Variants in IL1RAPL2 observed in about 807,000 individuals in gnomAD.
The protein encoded by IL1RAPL2 is interleukin 1 receptor accessory protein like 2.
In IL1RAPL2, 3 loss-of-function variants were observed where a neutral mutation model predicts 44.1. The ratio of observed to expected loss-of-function variants is 0.07; its 90% CI spans 0.03 to 0.18. IL1RAPL2 has a LOEUF of 0.18. Ranked by LOEUF, IL1RAPL2 falls within the 10% of genes least tolerant of loss-of-function variation. The pLI, the probability that IL1RAPL2 is intolerant of heterozygous loss-of-function variation, is 1.00. For missense variants in IL1RAPL2, 391 were observed against 496.4 expected (o/e 0.79, Z 2.02); for synonymous variants, 181 against 178.8 (o/e 1.01, Z -0.10).
intron 2 of IL1RAPL2, among the ~76,000 whole-genome samples, chrX:105,001,835 A>G (rs2030855602): frequency 9.0e-6 from 1 of 111,360 alleles, no homozygotes; most frequent in Non-Finnish European, 1.9e-5. Context: ...CCTATTACAC[A>G]GTAGGTAAAC....
chrX:104,961,815 G>A (rs2030012283), intron 2 of IL1RAPL2, among the ~76,000 whole-genome samples: 1 of 111,550 alleles, frequency 9.0e-6, no homozygotes, highest in African/African-American at 3.3e-5. Flanking sequence ...CCCAGAATAG[G>A]CACTCAAAAA....
intron 2 of IL1RAPL2, among the ~76,000 whole-genome samples, chrX:104,800,652 G>T (rs1932879228): frequency 8.9e-6 from 1 of 112,524 alleles, no homozygotes; most frequent in South Asian, 3.7e-4. Context: ...TTCATCAACA[G>T]ATATTAAAAG....
intron 5 of IL1RAPL2, among the ~76,000 whole-genome samples, chrX:105,385,287 C>A: frequency 9.0e-6 from 1 of 110,509 alleles, no homozygotes; most frequent in Non-Finnish European, 1.9e-5. Context: ...ATACTCTTTA[C>A]GCATTCAATT....
At chrX:105,201,276 A>G (rs1411053055) in intron 3 of IL1RAPL2, among the ~76,000 whole-genome samples, 4 of 112,109 alleles carry the variant, frequency 3.6e-5, no homozygotes, top group Non-Finnish European at 7.5e-5. Flanking sequence ...GCAAAACAGC[A>G]TCAGAAGAAA....
intron 4 of IL1RAPL2, among the ~76,000 whole-genome samples, chrX:105,250,987 G>C (rs2147646998): frequency 9.0e-6 from 1 of 110,821 alleles, no homozygotes; most frequent in South Asian, 3.8e-4. Context: ...GAGAATGATG[G>C]TTTATTTAAA....
At chrX:105,723,035 C>T (rs1176836882) in intron 7 of IL1RAPL2, among the ~76,000 whole-genome samples, 1 of 111,665 alleles carries the variant, frequency 9.0e-6, no homozygotes, top group Non-Finnish European at 1.9e-5. Context: ...TTAAATTCTG[C>T]TTCCCTTTTG....
chrX:105,432,152 T>TTCC (rs1556318012), intron 5 of IL1RAPL2, among the ~76,000 whole-genome samples: 1 of 97,473 alleles, frequency 1.0e-5, no homozygotes, highest in Non-Finnish European at 2.1e-5. Context: ...TTTTTTTTTT[T>TTCC]CACTTTTCTC....
intron 2 of IL1RAPL2, among the ~76,000 whole-genome samples, chrX:105,076,218 G>A (rs2032298826): frequency 9.0e-6 from 1 of 110,932 alleles, no homozygotes; most frequent in African/African-American, 3.3e-5. Context: ...CTTTGAATGT[G>A]TCCCAGAGAT....
chrX:105,279,359 C>G (rs778258728), intron 5 of IL1RAPL2, among the ~76,000 whole-genome samples: 52 of 111,912 alleles, frequency 4.6e-4, no homozygotes, highest in African/African-American at 1.6e-3. Context: ...GGAATAAAGC[C>G]TCAGGTGGTT....
At chrX:104,707,807 ATAACT>A (rs1337690270) in intron 2 of IL1RAPL2, among the ~76,000 whole-genome samples, 1 of 111,979 alleles carries the variant, frequency 8.9e-6, no homozygotes, top group Non-Finnish European at 1.9e-5. Context: ...TCTGTGACTC[ATAACT>A]TAACTTTGAG....
intron 2 of IL1RAPL2, among the ~76,000 whole-genome samples, chrX:104,828,318 T>C (rs1457947908): frequency 8.9e-6 from 1 of 111,845 alleles, no homozygotes; most frequent in African/African-American, 3.3e-5. Context: ...TTTTGCATGG[T>C]TGTCTTTTTT....
chrX:104,632,123 G>A (rs1162026333), intron 1 of IL1RAPL2, among the ~76,000 whole-genome samples: 4 of 110,841 alleles, frequency 3.6e-5, no homozygotes, highest in Non-Finnish European at 7.5e-5. Context: ...TCTTGTTTTT[G>A]TCAGGTTTGT....
chrX:104,933,377 G>A (rs1419515283), intron 2 of IL1RAPL2, among the ~76,000 whole-genome samples: 1 of 111,717 alleles, frequency 9.0e-6, no homozygotes, highest in Non-Finnish European at 1.9e-5. Context: ...AAAACAAGGA[G>A]TACTTGTCTT....
chrX:105,713,210 A>AG (rs745571160), intron 6 of IL1RAPL2, among the ~76,000 whole-genome samples: 1 of 111,739 alleles, frequency 8.9e-6, no homozygotes, highest in Admixed American at 9.4e-5. Context: ...CAGATCCGCT[A>AG]GGTAGTGGCC....
At chrX:104,767,549 G>A (rs772178288) in intron 2 of IL1RAPL2, among the ~76,000 whole-genome samples, 18 of 111,477 alleles carry the variant, frequency 1.6e-4, no homozygotes, top group Non-Finnish European at 3.2e-4. Context: ...TGCAATGAGC[G>A]TACTTAACAC....
intron 2 of IL1RAPL2, among the ~76,000 whole-genome samples, chrX:104,994,422 T>TATC (rs200582872): frequency 0.016 from 1,733 of 111,656 alleles, 35 homozygotes; most frequent in African/African-American, 0.053. Context: ...GTGATGGAAA[T>TATC]ATTTAACTTG....
chrX:105,340,809 T>C (rs1288312492), intron 5 of IL1RAPL2, among the ~76,000 whole-genome samples: 1 of 112,278 alleles, frequency 8.9e-6, no homozygotes, highest in African/African-American at 3.2e-5. Flanking sequence ...CTTTGATGCA[T>C]ATCATTTGTT....
At chrX:105,670,142 T>TATATATATATAAAA (rs1365896538) in intron 6 of IL1RAPL2, among the ~76,000 whole-genome samples, 4 of 52,985 alleles carry the variant, frequency 7.5e-5, no homozygotes, top group African/African-American at 3.0e-4. Flanking sequence ...TATATATATA[T>TATATATATATAAAA]ATATATCTCC....
chrX:105,083,629 A>G (rs897743632), intron 2 of IL1RAPL2, among the ~76,000 whole-genome samples: 5 of 111,736 alleles, frequency 4.5e-5, no homozygotes, highest in African/African-American at 1.6e-4. Context: ...TTCTGCAGAA[A>G]CTCTACAAGC....
Sources: gnomAD v4.1 joint callset for allele counts (sites outside exome capture counted in the v4.1 genomes callset) on GRCh38, gnomAD v4.1.1 for gene constraint, MANE v1.5 for transcripts, NCBI Gene and HGNC (gene_info 2026-07-23, HGNC 2026-07-21) for gene names.